The following DNAAF5 variants were observed in gnomAD, a reference collection of about 807,000 sequenced individuals.
The protein encoded by DNAAF5 is HEAT repeat containing 2.
Under a neutral mutation model 75.8 loss-of-function variants are expected in DNAAF5, and 64 were observed. The ratio of observed to expected loss-of-function variants is 0.84; its 90% CI spans 0.69 to 1.04. The LOEUF (loss-of-function observed/expected upper bound fraction) is 1.04. DNAAF5 is among the 50% of genes least tolerant of loss of function. The pLI is 0.00. For missense variants in DNAAF5, 1,269 were observed against 1,178.5 expected (o/e 1.08, Z -1.12); for synonymous variants, 657 against 557.2 (o/e 1.18, Z -2.52).
rs1444914533 is a variant in DNAAF5 at position 726,963 on chromosome 7, G to C, written c.243G>C (p.Leu81Phe). Residue 81 changes from leucine (L) to phenylalanine (F), a missense_variant, in exon 1 of 13, where the codon TTG becomes TTC. Physicochemically the swap from Leu to Phe is conservative, Grantham distance 22 (BLOSUM62 0). Transcript: ENST00000297440. ...GPWARLLLPR[L>F]LRCLSDPAEG... is the part of the protein sequence containing the mutation. ...GGGCGCGCCTACTGCTGCCGCGCTT[G>C]CTGCGCTGCCTGAGCGACCCCGCCG... 2.3e-6 allele frequency: 3 copies of C among 1,321,892 alleles called. No individual in the cohort carries two copies. Among genetic ancestry groups the C allele is most frequent in the Non-Finnish European group, 2.9e-6 (3 of 1,031,402 alleles). 81.9% of individuals were successfully genotyped at this position (1,321,892 alleles called of 1,614,324 possible).
chr7:743,813 T>G (rs1781997967), intron 4 of DNAAF5, among the ~76,000 whole-genome samples: 1 of 151,756 alleles, frequency 6.6e-6, no homozygotes. Context: ...CCCAGCTAAT[T>G]TTGTATTTTT....
At chr7:737,280 G>A (rs1454215410) in intron 2 of DNAAF5, among the ~76,000 whole-genome samples, 1 of 152,066 alleles carries the variant, frequency 6.6e-6, no homozygotes, top group Non-Finnish European at 1.5e-5. Context: ...ATTTTTAGTA[G>A]AGACAAGGTT....
intron 4 of DNAAF5, among the ~76,000 whole-genome samples, chr7:749,679 G>C (rs1262097934): frequency 1.3e-5 from 2 of 152,170 alleles, no homozygotes; most frequent in Non-Finnish European, 2.9e-5. Context: ...AGTTAGCCGG[G>C]GGTGTTACAG....
chr7:755,831 G>A (rs1337479550), intron 5 of DNAAF5, among the ~76,000 whole-genome samples: 11 of 152,192 alleles, frequency 7.2e-5, no homozygotes, highest in Admixed American at 6.5e-4. Flanking sequence ...AAAAACTACC[G>A]TGAATTTAAA....
At chr7:782,115 G>A (rs1173840302) in intron 12 of DNAAF5, among the ~76,000 whole-genome samples, 2 of 152,282 alleles carry the variant, frequency 1.3e-5, no homozygotes, top group East Asian at 3.8e-4. Flanking sequence ...GGATCTTCCT[G>A]GTGTGGCCGC....
chr7:766,060 C>T (rs1457562465), intron 8 of DNAAF5, among the ~76,000 whole-genome samples: 1 of 152,158 alleles, frequency 6.6e-6, no homozygotes, highest in African/African-American at 2.4e-5. Flanking sequence ...AACTCCTAGG[C>T]TCGAACAGTC....
chr7:731,128 G>C (rs990363265), intron 2 of DNAAF5, among the ~76,000 whole-genome samples: 1 of 152,202 alleles, frequency 6.6e-6, no homozygotes, highest in African/African-American at 2.4e-5. Context: ...GCCTGAGGCA[G>C]AGCATGGCCC....
At chr7:773,193 G>A (rs969436956) in intron 9 of DNAAF5, among the ~76,000 whole-genome samples, 13 of 152,174 alleles carry the variant, frequency 8.5e-5, no homozygotes, top group African/African-American at 3.1e-4. Context: ...GAAACCTCGC[G>A]GAATGCGTGT....
At chr7:779,695 C>T (rs1349299307) in intron 11 of DNAAF5, among the ~76,000 whole-genome samples, 1 of 152,152 alleles carries the variant, frequency 6.6e-6, no homozygotes, top group Non-Finnish European at 1.5e-5. Flanking sequence ...GGAGGCTCTG[C>T]GCCTGCAGGA....
At chr7:744,490 G>A (rs1018282105) in intron 4 of DNAAF5, among the ~76,000 whole-genome samples, 10 of 152,274 alleles carry the variant, frequency 6.6e-5, no homozygotes, top group East Asian at 1.9e-4. Context: ...GTATGTGGGC[G>A]AAGGACATGA....
At chr7:737,613 TTGA>T (rs1781776909) in intron 2 of DNAAF5, among the ~76,000 whole-genome samples, 2 of 152,252 alleles carry the variant, frequency 1.3e-5, no homozygotes, top group Admixed American at 6.5e-5. Flanking sequence ...AGGTCTGATG[TTGA>T]TGAAATTCCT....
At chr7:767,730 A>T (rs909439744) in intron 8 of DNAAF5, among the ~76,000 whole-genome samples, 10 of 151,384 alleles carry the variant, frequency 6.6e-5, no homozygotes, top group African/African-American at 2.4e-4. Context: ...CCGTGCTGCG[A>T]GGCGGAGCTG....
chr7:785,542 G>T lies in DNAAF5; in HGVS notation c.2457G>T (p.Leu819=). The T allele has an allele frequency of 6.2e-7, 1 of 1,613,766 alleles. No homozygotes were observed. The highest frequency in any genetic ancestry group is 8.5e-7 in the Non-Finnish European group (1 of 1,180,014). ...ILEVLKEGSG[L]FPDLLVRETE... Reference sequence around the variant, plus strand: ...AGGTCCTCAAAGAGGGCAGCGGGCTGTTCCCAGATCTCCTGGTGAGGGAGA... The same window carrying T: ...AGGTCCTCAAAGAGGGCAGCGGGCTTTTCCCAGATCTCCTGGTGAGGGAGA... Residue 819 remains leucine (L), a synonymous_variant, in exon 13 of 13, where the codon CTG becomes CTT. Transcript: ENST00000297440.
intron 5 of DNAAF5, among the ~76,000 whole-genome samples, chr7:756,577 C>T (rs147961285): frequency 4.5e-4 from 69 of 152,284 alleles, no homozygotes; most frequent in African/African-American, 1.6e-3. Flanking sequence ...GTGTCCGGCT[C>T]GCTGGCCTCA....
At position 734,603 on chromosome 7, in the gene DNAAF5, G is replaced by A. The variant is rs565031207; in HGVS notation, c.780+4756G>A. Among the ~76,000 whole-genome samples the A allele has an allele frequency of 2.8e-4, 42 of 152,332 alleles. No individual in the cohort carries two copies. In the East Asian group the frequency reaches 7.3e-3, roughly 27 times the overall value. On this transcript the variant is annotated intron_variant, in intron 2 of 12. Coordinates refer to ENST00000297440, the MANE Select transcript of DNAAF5 (RefSeq NM_017802.4). ...GTACTGGCCTCATAAATTAAGTTTG[G>A]AGGTATTCCTTCCTCTTCTAGTTCT... is the stretch of plus-strand genomic sequence containing the variant.
intron 8 of DNAAF5, chr7:769,014 TG>T: frequency 1.6e-6 from 1 of 611,564 alleles, no homozygotes; most frequent in Non-Finnish European, 3.0e-6. Context: ...CCCGGCTGCG[TG>T]GGGAGGCCCT....
chr7:751,017 A>C (rs1782275273), intron 4 of DNAAF5: 1 of 152,644 alleles, frequency 6.6e-6, no homozygotes, highest in Non-Finnish European at 1.5e-5. Context: ...GGTGGCATGC[A>C]CCTGTAGTAC....
At chr7:736,810 AGAT>A (rs2128071478) in intron 2 of DNAAF5, among the ~76,000 whole-genome samples, 1 of 151,638 alleles carries the variant, frequency 6.6e-6, no homozygotes, top group East Asian at 1.9e-4. Context: ...CTTTTTATGA[AGAT>A]GATTTTCTCT....
intron 4 of DNAAF5, among the ~76,000 whole-genome samples, chr7:749,406 T>C (rs903433634): frequency 2.6e-5 from 4 of 152,210 alleles, no homozygotes; most frequent in Non-Finnish European, 4.4e-5. Flanking sequence ...AGGACAGAGT[T>C]GGCTCTTCTT....
Sources: gnomAD v4.1 joint callset for allele counts (sites outside exome capture counted in the v4.1 genomes callset) on GRCh38, gnomAD v4.1.1 for gene constraint, MANE v1.5 for transcripts, NCBI Gene and HGNC (gene_info 2026-07-23, HGNC 2026-07-21) for gene names.